The following LLGL1 variants were observed in gnomAD, a reference collection of about 807,000 sequenced individuals.
LLGL1 encodes the protein LLGL scribble cell polarity complex component 1.
LLGL1 carries 58 observed loss-of-function variants against 110.6 expected under a neutral mutation model. The ratio of observed to expected loss-of-function variants is 0.52; its 90% CI spans 0.42 to 0.65. The LOEUF is 0.65. Ranked by LOEUF, LLGL1 falls within the 30% of genes least tolerant of loss-of-function variation. The pLI is 0.00. For synonymous variants in LLGL1, 674 were observed against 607.2 expected (o/e 1.11, Z -1.62); for missense variants, 1,229 against 1,462.1 (o/e 0.84, Z 2.60).
rs72831931 is a variant in LLGL1 at position 18,233,735 on chromosome 17, G to A, written c.393-43G>A. 4.7e-3 allele frequency: 7,488 copies of A among 1,576,910 alleles called. 27 individuals are homozygous for A. Among genetic ancestry groups the A allele is most frequent in the Non-Finnish European group, 5.2e-3 (6,050 of 1,155,736 alleles). On this transcript the variant is annotated intron_variant, in intron 4 of 22. Coordinates refer to ENST00000316843, the MANE Select transcript of LLGL1 (RefSeq NM_004140.4). ...CCCCTCACACCCCACCTGAGCAGGT[G>A]GATGGGCTTGTACCCTCACTCCCTT...
chr17:18,236,496 GTGTT>G, intron 11 of LLGL1, 107 bp from the exon 12 acceptor site: 1 of 1,082,028 alleles, frequency 9.2e-7, no homozygotes, highest in South Asian at 1.5e-5. Context: ...ATTCCGGTCA[GTGTT>G]TGGCACGTGC....
chr17:18,230,603 C>T (rs570772313), intron 2 of LLGL1, among the ~76,000 whole-genome samples: 14 of 152,204 alleles, frequency 9.2e-5, no homozygotes, highest in East Asian at 7.7e-4. Context: ...GGGGGCAGGC[C>T]GGCAGCTCAG....
chr17:18,243,468 C>A (rs1002479784), intron 22 of LLGL1, among the ~76,000 whole-genome samples: 3 of 152,204 alleles, frequency 2.0e-5, no homozygotes, highest in Admixed American at 2.0e-4. Context: ...GCTGGTTTGG[C>A]CAGCCTGTTT....
intron 17 of LLGL1, 75 bp from the exon 18 acceptor site, chr17:18,241,376 A>C: frequency 6.6e-7 from 1 of 1,523,078 alleles, no homozygotes; most frequent in East Asian, 2.3e-5. Context: ...CTGTTGGGTC[A>C]GCAGCCACGA....
chr17:18,234,009 A>G lies in LLGL1; in HGVS notation c.552-4A>G. 6.3e-7 allele frequency: 1 copy of G among 1,593,886 alleles called. No homozygotes were observed. The highest frequency in any genetic ancestry group is 8.6e-7 in the Non-Finnish European group (1 of 1,167,166). On this transcript the variant is annotated splice_region_variant and splice_polypyrimidine_tract_variant and intron_variant, in intron 5 of 22. Coordinates refer to ENST00000316843, the MANE Select transcript of LLGL1 (RefSeq NM_004140.4). ...TCTGCTGGCTCACCTGCCTTCCTCC[A>G]CAGCGTGCCAGACGACTACCGCTGT...
intron 7 of LLGL1, 66 bp from the exon 8 acceptor site, chr17:18,234,583 G>A (rs2047647615): frequency 1.2e-6 from 2 of 1,603,424 alleles, no homozygotes; most frequent in Non-Finnish European, 1.7e-6. Flanking sequence ...GTGGAGGGCA[G>A]AGCAGGAATG....
At chr17:18,242,098 G>A (rs879068544) in intron 19 of LLGL1, 68 bp from the exon 20 acceptor site, 39 of 1,541,090 alleles carry the variant, frequency 2.5e-5, no homozygotes, top group South Asian at 3.3e-5. Flanking sequence ...GGAGTGGGAG[G>A]GCAAGGATCT....
rs1446073499 is a variant in LLGL1 at position 18,238,473 on chromosome 17, A to G, written c.2070A>G (p.Ala690=). 6.2e-7 allele frequency: 1 copy of G among 1,611,082 alleles called. No individual in the cohort carries two copies. The highest frequency in any genetic ancestry group is 2.2e-5 in the East Asian group (1 of 44,864). ...CCCGGCAGTTGCAGGAAGCCAATGC[A>G]CAGCTGGCTGAGCAGGCCTGCCCCC... ...NASSKLQEAN[A]QLAEQACPHD... Residue 690 remains alanine, a synonymous_variant, in exon 16 of 23, where the codon GCA becomes GCG. Transcript: ENST00000316843.
intron 4 of LLGL1, 24 bp downstream of exon 4, chr17:18,232,826 C>G: frequency 6.2e-7 from 1 of 1,613,384 alleles, no homozygotes; most frequent in Non-Finnish European, 8.5e-7. Context: ...TGGCTGGGGC[C>G]AGCCACCGGG....
rs1360671230 is a variant in LLGL1, at chr17:18,236,943, G to C, written c.1611+4G>C. 2.5e-6 allele frequency: 4 copies of C among 1,609,222 alleles called. No individual in the cohort carries two copies. Among genetic ancestry groups the C allele is most frequent in the Middle Eastern group, 3.3e-4 (2 of 6,052 alleles). ...GGTGGCTGGCACTGCAGGCCAGGTA[G>C]GGCTGGGTGTCCCCTGGGTTGGAGA... On this transcript the variant is annotated splice_donor_region_variant and intron_variant, in intron 13 of 22. Coordinates refer to ENST00000316843, the MANE Select transcript of LLGL1 (RefSeq NM_004140.4).
rs772373097 is a variant in LLGL1, at chr17:18,236,723, C to A, written c.1469C>A (p.Ala490Asp). 3 of 1,612,290 alleles carry A rather than the reference C, an allele frequency of 1.9e-6. No homozygotes were observed. The African/African-American group carries it at 4.0e-5, about 22-fold the overall frequency. ...QTDCEHADSLAQAAEDDWPPF... is the reference protein window; with the variant it reads ...QTDCEHADSLDQAAEDDWPPF... ...GACTGTGAGCACGCTGACAGCCTGG[C>A]CCAGGCTGCCGAGGACGACTGGCCA... Residue 490 changes from alanine to aspartate, a missense_variant, in exon 12 of 23, where the codon GCC (alanine) becomes GAC (aspartate). Transcript: ENST00000316843.
In LLGL1 at chr17:18,238,165, G is replaced by T. The variant is rs531828914; in HGVS notation, c.2003G>T (p.Arg668Leu). The change falls in exon 15 of 23, where the codon CGC becomes CTC. Residue 668 changes from arginine to leucine, a missense_variant. Arg to Leu is a moderately radical substitution (Grantham distance 102, BLOSUM62 -2). Transcript: ENST00000316843. ...KSLRQSFRRI[R>L]KSRVSGKKRA... ...CTGCGCCAGTCTTTCCGGCGCATTC[G>T]CAAGAGTCGTGTCTCTGGCAAGAAG... 6.2e-7 allele frequency: 1 copy of T among 1,613,206 alleles called. No homozygotes were observed. The highest frequency in any genetic ancestry group is 1.1e-5 in the South Asian group (1 of 91,084).
chr17:18,244,346 A>T lies in LLGL1; in HGVS notation c.*440A>T. The T allele has an allele frequency of 6.7e-6, 1 of 148,328 alleles. No homozygotes were observed. The allele number at this position is 148,328 out of a possible 1,614,324, so 9.2% of individuals were successfully genotyped here. On this transcript the variant is annotated 3_prime_UTR_variant, in exon 23 of 23. Coordinates refer to ENST00000316843, the MANE Select transcript of LLGL1 (RefSeq NM_004140.4). ...AAGCCCCGCCTTCTGGGTTCCCGCC[A>T]TTCTTCTGCCTCAGCCTCCCAAGTA...
chr17:18,236,691 C>G lies in LLGL1; in HGVS notation c.1437C>G (p.Phe479Leu). 6.2e-7 allele frequency: 1 copy of G among 1,612,748 alleles called. No individual in the cohort carries two copies. Among genetic ancestry groups the G allele is most frequent in the Non-Finnish European group, 8.5e-7 (1 of 1,179,992 alleles). The change falls in exon 12 of 23, where the codon TTC becomes TTG. Residue 479 changes from phenylalanine to leucine, a missense_variant. Phe to Leu is a conservative substitution (Grantham distance 22). Transcript: ENST00000316843. ...ATAAGCTGAGCACAGCTGGCCTCTT[C>G]CAGACAGACTGTGAGCACGCTGACA... ...PLYKLSTAGL[F>L]QTDCEHADSL...
intron 9 of LLGL1, 21 bp from the exon 10 acceptor site, chr17:18,235,068 C>T (rs1241694633): frequency 3.1e-6 from 5 of 1,613,934 alleles, no homozygotes; most frequent in Non-Finnish European, 4.2e-6. Flanking sequence ...GTGCTCACCC[C>T]ATACTCCCTC....
At chr17:18,239,067 T>C (rs1007103437) in intron 16 of LLGL1, among the ~76,000 whole-genome samples, 1 of 152,104 alleles carries the variant, frequency 6.6e-6, no homozygotes, top group South Asian at 2.1e-4. Context: ...CCCCAGTCTC[T>C]CTGGGGGAGC....
At chr17:18,228,276 G>GGCTT (rs2047495415) in intron 1 of LLGL1, among the ~76,000 whole-genome samples, 1 of 152,222 alleles carries the variant, frequency 6.6e-6, no homozygotes, top group African/African-American at 2.4e-5. Context: ...GGCCTTGGGA[G>GGCTT]GCTTCTCTGA....
rs779506851 is a variant in LLGL1, at chr17:18,242,614, G to A, written c.3102G>A (p.Val1034=). 6.2e-7 allele frequency: 1 copy of A among 1,612,340 alleles called. No homozygotes were observed. The highest frequency in any genetic ancestry group is 1.7e-5 in the Admixed American group (1 of 59,744). ...CAGGGGACGTCACAGTGGAAGATGT[G>A]AAGGATTTCCTGGGGTGAGGCTGGT... The part of the protein sequence containing the change: ...DTTGDVTVED[V]KDFLGSSEES... Residue 1034 remains valine (V), a synonymous_variant, in exon 21 of 23, where the codon GTG becomes GTA. Coordinates refer to ENST00000316843, the MANE Select transcript of LLGL1 (RefSeq NM_004140.4).
At chr17:18,237,183 G>A in intron 13 of LLGL1, 1 of 597,534 alleles carries the variant, frequency 1.7e-6, no homozygotes. Flanking sequence ...TGACATACAG[G>A]AGGTGCTCAA....
Sources: gnomAD v4.1 joint callset for allele counts (sites outside exome capture counted in the v4.1 genomes callset) on GRCh38, gnomAD v4.1.1 for gene constraint, MANE v1.5 for transcripts, NCBI Gene and HGNC (gene_info 2026-07-23, HGNC 2026-07-21) for gene names.